The following MYOCD variants were observed in gnomAD, a reference collection of about 807,000 sequenced individuals.
MYOCD encodes myocardin.
In MYOCD, 32 loss-of-function variants were observed where a neutral mutation model predicts 96.1. The ratio of observed to expected loss-of-function variants is 0.33; its 90% CI spans 0.25 to 0.45. MYOCD has a LOEUF of 0.45. Ranked by LOEUF, MYOCD falls within the 20% of genes least tolerant of loss-of-function variation. The pLI is 1.00. For missense variants in MYOCD, 1,133 were observed against 1,200.6 expected, an observed-to-expected ratio of 0.94 and a Z score of 0.83; for synonymous variants, 469 against 469.0, an observed-to-expected ratio of 1.00 and a Z score of 0.00.
chr17:12,743,784 C>T (rs528656251), intron 7 of MYOCD, among the ~76,000 whole-genome samples: 1 of 152,136 alleles, frequency 6.6e-6, no homozygotes, highest in African/African-American at 2.4e-5. Context: ...CAGGTGTGAG[C>T]CATCGCTCCC....
At chr17:12,716,985 C>CAAAAAAA (rs56992216) in intron 3 of MYOCD, among the ~76,000 whole-genome samples, 14 of 112,946 alleles carry the variant, frequency 1.2e-4, no homozygotes, top group Non-Finnish European at 2.0e-4. Context: ...GATGCTGTCT[C>CAAAAAAA]AAAAAAAAAA....
chr17:12,738,101 T>C (rs1224930547), intron 6 of MYOCD, among the ~76,000 whole-genome samples: 5 of 152,208 alleles, frequency 3.3e-5, no homozygotes, highest in African/African-American at 1.2e-4. Flanking sequence ...CAAGTTCTTT[T>C]CTGCTTCACC....
intron 5 of MYOCD, among the ~76,000 whole-genome samples, chr17:12,734,807 C>T (rs572463652): frequency 7.4e-4 from 112 of 152,164 alleles, no homozygotes; most frequent in Non-Finnish European, 1.5e-3. Flanking sequence ...CCGTGCCCAG[C>T]CACATTAGGC....
At chr17:12,737,957 TC>T (rs1194962252) in intron 6 of MYOCD, among the ~76,000 whole-genome samples, 1 of 152,188 alleles carries the variant, frequency 6.6e-6, no homozygotes, top group Non-Finnish European at 1.5e-5. Context: ...CATTTTTCCT[TC>T]CCCTGCATGC....
chr17:12,762,629 G>A (rs1280155177), intron 13 of MYOCD: 1 of 156,672 alleles, frequency 6.4e-6, no homozygotes, highest in African/African-American at 2.4e-5. Flanking sequence ...GTAGATGAGG[G>A]GGAGTGACCA....
At position 12,766,632 on chromosome 17, in the gene MYOCD, G is replaced by T. The variant is rs999076056; in HGVS notation, c.*2988G>T. On this transcript the variant is annotated 3_prime_UTR_variant, in exon 14 of 14. Coordinates refer to ENST00000425538, the MANE Select transcript of MYOCD (RefSeq NM_001146312.3). ...TATTTTAAATTCTTTTAAACTCTTC[G>T]TTGTGTCTTTTGTGATGACAAATCA... 1 of 152,068 alleles carries T rather than the reference G, an allele frequency of 6.6e-6. No homozygotes were observed. 9.4% of individuals were successfully genotyped at this position (152,068 alleles called of 1,614,324 possible).
chr17:12,739,347 C>G lies in MYOCD; in HGVS notation c.717+19C>G. The G allele has an allele frequency of 6.6e-7, 1 of 1,519,062 alleles. No individual in the cohort carries two copies. The allele number at this position is 1,519,062 out of a possible 1,614,324, so 94.1% of individuals were successfully genotyped here. ...TGTAAAGGTACGGACACATCAGCCTCCAAGCCCTGCCTGAGCGCTCGGCTC... is the reference window on the plus strand; with the variant it reads ...TGTAAAGGTACGGACACATCAGCCTGCAAGCCCTGCCTGAGCGCTCGGCTC... On this transcript the variant is annotated intron_variant, in intron 7 of 13. Transcript: ENST00000425538.
In MYOCD at chr17:12,736,222, C is replaced by T. The variant is rs1262842509; in HGVS notation, c.477C>T (p.Ser159=). The part of the protein sequence containing the change: ...DAFAFEEDSS[S]DGLSPDQTRS... ...TTGCCTTTGAAGAGGACAGCAGCAG[C>T]GATGGGCTTTCTCCGGATCAGACTC... is the stretch of plus-strand genomic sequence containing the variant. Residue 159 remains serine (S), a synonymous_variant, in exon 6 of 14, where the codon AGC becomes AGT. Coordinates refer to ENST00000425538, the MANE Select transcript of MYOCD (RefSeq NM_001146312.3). 2.4e-5 allele frequency: 38 copies of T among 1,614,164 alleles called. No individual in the cohort carries two copies. Among genetic ancestry groups the T allele is most frequent in the Non-Finnish European group, 3.1e-5 (36 of 1,180,018 alleles).
At chr17:12,672,688 T>A (rs1305800446) in intron 1 of MYOCD, among the ~76,000 whole-genome samples, 1 of 152,216 alleles carries the variant, frequency 6.6e-6, no homozygotes. Flanking sequence ...GGTACTTCTC[T>A]TATGAGTACA....
intron 1 of MYOCD, among the ~76,000 whole-genome samples, chr17:12,701,803 T>G (rs1160151965): frequency 6.6e-6 from 1 of 152,186 alleles, no homozygotes; most frequent in Non-Finnish European, 1.5e-5. Flanking sequence ...TTTTAATTAC[T>G]CTCATGATTT....
intron 5 of MYOCD, among the ~76,000 whole-genome samples, chr17:12,727,412 A>G (rs946231007): frequency 6.6e-6 from 1 of 152,178 alleles, no homozygotes; most frequent in Admixed American, 6.5e-5. Flanking sequence ...AGAGACAGCT[A>G]TAGAGACAGC....
chr17:12,708,351 A>C (rs2150676851), intron 2 of MYOCD, among the ~76,000 whole-genome samples: 1 of 152,348 alleles, frequency 6.6e-6, no homozygotes, highest in Middle Eastern at 3.4e-3. Context: ...CAAAACTCAA[A>C]GTTGATGGCC....
intron 1 of MYOCD, among the ~76,000 whole-genome samples, chr17:12,682,772 C>A (rs1404516000): frequency 6.6e-6 from 1 of 152,186 alleles, no homozygotes; most frequent in Admixed American, 6.5e-5. Context: ...CAAACACCTG[C>A]ATCCACATAC....
intron 2 of MYOCD, among the ~76,000 whole-genome samples, chr17:12,708,824 A>G (rs1351554738): frequency 6.6e-6 from 1 of 152,194 alleles, no homozygotes; most frequent in Non-Finnish European, 1.5e-5. Context: ...AGCTGAGGCC[A>G]GAACCTGTGT....
chr17:12,720,510 A>C (rs1020755380), intron 4 of MYOCD: 1 of 152,164 alleles, frequency 6.6e-6, no homozygotes, highest in Non-Finnish European at 1.5e-5. Flanking sequence ...GAGCTACTAC[A>C]AACAAGGCTT....
At chr17:12,695,286 C>T (rs571079264) in intron 1 of MYOCD, among the ~76,000 whole-genome samples, 1 of 152,284 alleles carries the variant, frequency 6.6e-6, no homozygotes, top group South Asian at 2.1e-4. Flanking sequence ...TGCCTCCTCC[C>T]GTGGTGGAAG....
intron 7 of MYOCD, among the ~76,000 whole-genome samples, chr17:12,743,681 A>T (rs1249966257): frequency 6.6e-6 from 1 of 151,682 alleles, no homozygotes; most frequent in East Asian, 1.9e-4. Context: ...TTTGTAGAGA[A>T]GGGGTTTCAC....
chr17:12,679,609 G>A (rs1343387920), intron 1 of MYOCD, among the ~76,000 whole-genome samples: 2 of 152,138 alleles, frequency 1.3e-5, no homozygotes, highest in African/African-American at 4.8e-5. Context: ...TATAGTATGA[G>A]AGAGGTAAAG....
chr17:12,717,840 G>A (rs2031696429), intron 4 of MYOCD, among the ~76,000 whole-genome samples: 1 of 152,182 alleles, frequency 6.6e-6, no homozygotes, highest in Admixed American at 6.5e-5. Context: ...ACCTTCTGGT[G>A]TGCAGGGAAT....
Sources: allele counts gnomAD v4.1 joint callset (sites outside exome capture counted in the v4.1 genomes callset), GRCh38; gene constraint gnomAD v4.1.1; transcripts MANE v1.5; gene names NCBI Gene and HGNC (gene_info 2026-07-23, HGNC 2026-07-21).